The following GTF3C3 variants were observed in gnomAD, a reference collection of about 807,000 sequenced individuals.
GTF3C3 encodes the protein general transcription factor 3C polypeptide 3.
Under a neutral mutation model 105.2 loss-of-function variants are expected in GTF3C3, and 75 were observed. The ratio of observed to expected loss-of-function variants is 0.71; its 90% CI spans 0.59 to 0.86. The LOEUF is 0.86. Among genes scored for constraint, GTF3C3 ranks in the 40% least tolerant of loss-of-function variants. GTF3C3 has a pLI of 0.00. For synonymous variants in GTF3C3, 335 were observed against 370.4 expected (o/e 0.90, Z 1.10); for missense variants, 856 against 1,076.5 (o/e 0.80, Z 2.87).
At position 196,766,010 on chromosome 2, in the gene GTF3C3, C is replaced by CAAAA. The variant is rs11424716; in HGVS notation, c.2538+551_2538+554dup. ...GGGCCACAGAGCAAGACTCTGTCTC[C>CAAAA]AAAAAAAAAAAAAAAAAAAAAAATT... is the stretch of plus-strand genomic sequence containing the variant. On this transcript the variant is annotated intron_variant, in intron 17 of 17. Coordinates refer to ENST00000263956, the MANE Select transcript of GTF3C3 (RefSeq NM_012086.5). Among the ~76,000 whole-genome samples the CAAAA allele has an allele frequency of 4.5e-4, 39 of 87,116 alleles. 1 individual carries two copies. Among genetic ancestry groups the CAAAA allele is most frequent in the East Asian group, 4.4e-3 (13 of 2,922 alleles). The allele number at this position is 87,116 out of a possible 152,430, so 57.2% of individuals were successfully genotyped here.
chr2:196,791,327 C>A lies in GTF3C3; in HGVS notation c.535+10G>T, dbSNP rs1158018239. On this transcript the variant is annotated intron_variant, in intron 4 of 17. Coordinates refer to ENST00000263956, the MANE Select transcript of GTF3C3 (RefSeq NM_012086.5). The stretch of plus-strand genomic sequence containing the variant: ...ACTGCTATTATTAACAAAGTCCCCA[C>A]AGAAAACACCTTGTCTTATGATTTC... 6.2e-7 allele frequency: 1 copy of A among 1,613,634 alleles called. No homozygotes were observed. Among genetic ancestry groups the A allele is most frequent in the Admixed American group, 1.7e-5 (1 of 59,966 alleles).
Position 196,764,226 on chromosome 2 carries a change from C to CTATAG in GTF3C3, c.*332_*336dup, listed in dbSNP as rs1245201544. The CTATAG allele has an allele frequency of 3.5e-5, 6 of 172,634 alleles. No individual in the cohort carries two copies. The highest frequency in any genetic ancestry group is 7.4e-5 in the Non-Finnish European group (6 of 80,544). 10.7% of individuals were successfully genotyped at this position (172,634 alleles called of 1,614,324 possible). ...ACTGCCTCATGTGATATTGACAGAG[C>CTATAG]TATAGTATTAAATACAAAGATGAAT... On this transcript the variant is annotated 3_prime_UTR_variant, in exon 18 of 18. Coordinates refer to ENST00000263956, the MANE Select transcript of GTF3C3 (RefSeq NM_012086.5).
intron 2 of GTF3C3, among the ~76,000 whole-genome samples, chr2:196,796,689 A>G (rs911048405): frequency 2.0e-5 from 3 of 152,054 alleles, no homozygotes; most frequent in African/African-American, 4.8e-5. Context: ...AAAAGGCCCC[A>G]GTGTCTGTTG....
intron 17 of GTF3C3, among the ~76,000 whole-genome samples, chr2:196,765,801 G>A (rs1373948004): frequency 1.3e-5 from 2 of 151,812 alleles, no homozygotes; most frequent in East Asian, 3.9e-4. Context: ...ACAAGGTCAG[G>A]AGATCGAGAC....
At position 196,792,950 on chromosome 2, in the gene GTF3C3, A is replaced by C. The variant is rs746689964; in HGVS notation, c.411+6T>G. 6.3e-6 allele frequency: 10 copies of C among 1,590,174 alleles called. No individual in the cohort carries two copies. Among genetic ancestry groups the C allele is most frequent in the Non-Finnish European group, 8.6e-6 (10 of 1,160,352 alleles). ...TTTATAAATACCAAAATAAGTAAAA[A>C]TTTACTTTCATCATTTTCTTGGTTT... On this transcript the variant is annotated splice_donor_region_variant and intron_variant, in intron 3 of 17. Transcript: ENST00000263956.
Position 196,776,967 on chromosome 2 carries a change from T to G in GTF3C3, c.1391-338A>C, listed in dbSNP as rs1393967366. On this transcript the variant is annotated intron_variant, in intron 10 of 17. Transcript: ENST00000263956. This position sits in a 1 kb window ranked among gnomAD's most constrained non-coding sequence, Gnocchi z 4.5. The stretch of plus-strand genomic sequence containing the variant: ...ATTTGCCATTTAGGTTGCTTTCAAA[T>G]TTTTACTCTAATAAATAATACTGCA... 1.3e-5 allele frequency among the ~76,000 whole-genome samples: 2 copies of G among 152,182 alleles called. No homozygotes were observed. Among genetic ancestry groups the G allele is most frequent in the Admixed American group, 6.5e-5 (1 of 15,268 alleles).
At chr2:196,793,937 A>G (rs772052394) in intron 2 of GTF3C3, among the ~76,000 whole-genome samples, 5 of 152,192 alleles carry the variant, frequency 3.3e-5, no homozygotes, top group East Asian at 3.8e-4. Context: ...TATGGTTTGA[A>G]TATCTGTCCC....
chr2:196,770,936 T>C (rs1012849148), intron 15 of GTF3C3, among the ~76,000 whole-genome samples: 2 of 152,122 alleles, frequency 1.3e-5, no homozygotes, highest in Non-Finnish European at 2.9e-5. Context: ...GGATGAACGA[T>C]GATAAAAATA....
At position 196,776,430 on chromosome 2, in the gene GTF3C3, C is replaced by T; in HGVS notation, c.1590G>A (p.Gln530=). Residue 530 remains glutamine (Q), a synonymous_variant, in exon 11 of 18, where the codon CAG becomes CAA. Coordinates refer to ENST00000263956, the MANE Select transcript of GTF3C3 (RefSeq NM_012086.5). The surrounding 1 kb of genome is among the most constrained non-coding windows in gnomAD (Gnocchi z 4.5). ...DTLAQDANAA[Q]QELKLLLHRS... is the part of the protein sequence containing the mutation. ...CCCTCTATGTGACATGGCCCACCTG[C>T]TGTGCAGCATTTGCATCCTGTGCTA... 1 of 1,612,772 alleles carries T rather than the reference C, an allele frequency of 6.2e-7. No individual in the cohort carries two copies. The highest frequency in any genetic ancestry group is 8.5e-7 in the Non-Finnish European group (1 of 1,179,110).
rs1179140679 is a variant in GTF3C3, at chr2:196,776,184, C to T, written c.1594-73G>A. On this transcript the variant is annotated intron_variant, in intron 11 of 17. Transcript: ENST00000263956. The surrounding 1 kb of genome is among the most constrained non-coding windows in gnomAD (Gnocchi z 4.5). The stretch of plus-strand genomic sequence containing the variant: ...ACAAATTGTTTTATTTGCATAGAAA[C>T]ATTTTTAAAAAAACAAACCATATTG... 1 of 871,610 alleles carries T rather than the reference C, an allele frequency of 1.1e-6. No individual in the cohort carries two copies. Among genetic ancestry groups the T allele is most frequent in the Non-Finnish European group, 1.8e-6 (1 of 556,422 alleles). The allele number at this position is 871,610 out of a possible 1,614,324, so 54.0% of individuals were successfully genotyped here. A position where few individuals can be genotyped will look rare whatever the true frequency, so the allele number is the denominator to read the frequency against.
chr2:196,785,426 C>T lies in GTF3C3; in HGVS notation c.1041+15G>A. Reference sequence around the variant, plus strand: ...ACATGCAAAACTTAACAGAGAAACACATAAGCATTCCTACCTCCAAAGCTT... The same window carrying T: ...ACATGCAAAACTTAACAGAGAAACATATAAGCATTCCTACCTCCAAAGCTT... On this transcript the variant is annotated intron_variant, in intron 7 of 17. Transcript: ENST00000263956. 6.5e-7 allele frequency: 1 copy of T among 1,540,302 alleles called. No homozygotes were observed. The highest frequency in any genetic ancestry group is 1.8e-5 in the Admixed American group (1 of 55,594).
At chr2:196,783,111 T>G (rs1699394175) in intron 8 of GTF3C3, among the ~76,000 whole-genome samples, 1 of 152,172 alleles carries the variant, frequency 6.6e-6, no homozygotes. Context: ...TCTCCTAGTC[T>G]TCTGGACATA....
intron 2 of GTF3C3, among the ~76,000 whole-genome samples, chr2:196,794,619 G>A (rs957053252): frequency 6.6e-6 from 1 of 152,058 alleles, no homozygotes; most frequent in Non-Finnish European, 1.5e-5. Context: ...ATTTTTAGTA[G>A]AGACGGGATT....
Position 196,799,645 on chromosome 2 carries a change from CG to C in GTF3C3, c.-35del. 1 of 1,483,126 alleles carries C rather than the reference CG, an allele frequency of 6.7e-7. No homozygotes were observed. Among genetic ancestry groups the C allele is most frequent in the Non-Finnish European group, 9.4e-7 (1 of 1,062,076 alleles). 91.9% of individuals were successfully genotyped at this position (1,483,126 alleles called of 1,614,324 possible). On this transcript the variant is annotated 5_prime_UTR_variant, in exon 1 of 18. Transcript: ENST00000263956. ...GGTCTGTCTGTGCAACCCCAGGAACCGGGACAGAGAACCGGAAGAGCAGCGC... is the reference window on the plus strand; with the variant it reads ...GGTCTGTCTGTGCAACCCCAGGAACCGGACAGAGAACCGGAAGAGCAGCGC...
At chr2:196,789,753 G>A in intron 5 of GTF3C3, 126 bp downstream of exon 5, 1 of 618,190 alleles carries the variant, frequency 1.6e-6, no homozygotes, top group South Asian at 2.3e-5. Context: ...CTTACCTCTA[G>A]AGCAACACAC....
At position 196,780,616 on chromosome 2, in the gene GTF3C3, A is replaced by G. The variant is rs139840560; in HGVS notation, c.1161T>C (p.Asp387=). Reference sequence around the variant, plus strand: ...GGCAGACCATCAACTTCACTGTGATATCTATTGGCACGCCATCAGGTATAG... The same window carrying G: ...GGCAGACCATCAACTTCACTGTGATGTCTATTGGCACGCCATCAGGTATAG... ...TCTIPDGVPI[D]ITVKLMVCLV... is the part of the protein sequence containing the mutation. Residue 387 remains aspartate (D), a synonymous_variant, in exon 9 of 18, where the codon GAT becomes GAC. Transcript: ENST00000263956. The G allele has an allele frequency of 1.2e-6, 2 of 1,613,418 alleles. No individual in the cohort carries two copies. Among genetic ancestry groups the G allele is most frequent in the African/African-American group, 2.7e-5 (2 of 74,890 alleles).
At chr2:196,795,545 A>G (rs200842271) in intron 2 of GTF3C3, among the ~76,000 whole-genome samples, 276 of 122,436 alleles carry the variant, frequency 2.3e-3, no homozygotes, top group Middle Eastern at 0.014. Context: ...CAAAAGAACA[A>G]AGGAACAAAA....
rs771084123 is a variant in GTF3C3, at chr2:196,772,984, T to C, written c.2001A>G (p.Glu667=). The change falls in exon 14 of 18, where the codon GAA becomes GAG. Residue 667 remains glutamate (E), a synonymous_variant. Coordinates refer to ENST00000263956, the MANE Select transcript of GTF3C3 (RefSeq NM_012086.5). ...SFYDDRQKRK[E]LEYFGLSAAI... Reference sequence around the variant, plus strand: ...CAGCAGACAGACCAAAGTATTCTAGTTCTTTGCGTTTTTGCCTGTCATCAT... The same window carrying C: ...CAGCAGACAGACCAAAGTATTCTAGCTCTTTGCGTTTTTGCCTGTCATCAT... 6.2e-7 allele frequency: 1 copy of C among 1,611,752 alleles called. No individual in the cohort carries two copies. The highest frequency in any genetic ancestry group is 2.2e-5 in the East Asian group (1 of 44,870).
At chr2:196,772,244 C>T (rs899042856) in intron 14 of GTF3C3, among the ~76,000 whole-genome samples, 10 of 152,288 alleles carry the variant, frequency 6.6e-5, no homozygotes, top group South Asian at 6.2e-4. Context: ...GCTGCAGTAC[C>T]GAATAACAAT....
Sources: allele counts gnomAD v4.1 joint callset (sites outside exome capture counted in the v4.1 genomes callset), GRCh38; gene constraint gnomAD v4.1.1; non-coding constraint Gnocchi (gnomAD v3.1); transcripts MANE v1.5; gene names NCBI Gene and HGNC (gene_info 2026-07-23, HGNC 2026-07-21).